The following CCDC180 variants were observed in gnomAD, a reference collection of about 807,000 sequenced individuals.
CCDC180 encodes the protein coiled-coil domain-containing protein 180.
CCDC180 carries 154 observed loss-of-function variants against 209.2 expected under a neutral mutation model. The ratio of observed to expected loss-of-function variants is 0.74; its 90% CI spans 0.65 to 0.84. CCDC180 has a LOEUF of 0.84. Among genes scored for constraint, CCDC180 ranks in the 40% least tolerant of loss-of-function variants. The pLI, the probability that CCDC180 is intolerant of heterozygous loss-of-function variation, is 0.00. For missense variants in CCDC180, 1,874 were observed against 1,997.3 expected (o/e 0.94, Z 1.18); for synonymous variants, 778 against 749.1 (o/e 1.04, Z -0.63).
chr9:97,348,119 CGGG>C (rs5899305), intron 20 of CCDC180, among the ~76,000 whole-genome samples: 7 of 148,154 alleles, frequency 4.7e-5, no homozygotes, highest in Admixed American at 2.0e-4. Flanking sequence ...TAATGCGGGG[CGGG>C]GGGGGGGCAT....
chr9:97,334,294 G>A (rs1423891416), intron 18 of CCDC180, among the ~76,000 whole-genome samples: 1 of 152,160 alleles, frequency 6.6e-6, no homozygotes, highest in Non-Finnish European at 1.5e-5. Flanking sequence ...GCAATAGCCA[G>A]TATTTTAAGG....
chr9:97,361,584 A>C lies in CCDC180; in HGVS notation c.3484-142A>C, dbSNP rs943579590. The C allele has an allele frequency of 2.0e-5, 14 of 690,910 alleles. No individual in the cohort carries two copies. In the African/African-American group the frequency reaches 2.2e-4, roughly 11 times the overall value. 42.8% of individuals were successfully genotyped at this position (690,910 alleles called of 1,614,324 possible). On this transcript the variant is annotated intron_variant, in intron 26 of 36. Coordinates refer to ENST00000529487, the MANE Select transcript of CCDC180 (RefSeq NM_020893.6). ...AAGGGAGATCACTTTACAGAGGAGA[A>C]AATAGTGGCTCAATGAGGTCAGCTA...
intron 11 of CCDC180, among the ~76,000 whole-genome samples, chr9:97,321,016 C>T (rs1013824338): frequency 6.6e-6 from 1 of 152,170 alleles, no homozygotes; most frequent in African/African-American, 2.4e-5. Context: ...TGGTGTGATA[C>T]TCCCTGGCAA....
At chr9:97,329,797 G>A (rs779152843) in intron 16 of CCDC180, among the ~76,000 whole-genome samples, 17 of 152,262 alleles carry the variant, frequency 1.1e-4, no homozygotes, top group Middle Eastern at 3.4e-3. Flanking sequence ...GGCTGGGTGC[G>A]GTGGCTCACG....
chr9:97,344,307 G>T (rs764207272), intron 19 of CCDC180, among the ~76,000 whole-genome samples: 1 of 152,162 alleles, frequency 6.6e-6, no homozygotes, highest in Non-Finnish European at 1.5e-5. Flanking sequence ...TGGGCAGGAG[G>T]CTGGAGACAA....
At chr9:97,313,406 A>C in intron 5 of CCDC180, 61 bp downstream of exon 5, 1 of 1,254,996 alleles carries the variant, frequency 8.0e-7, no homozygotes, top group Non-Finnish European at 1.2e-6. Context: ...TGGGTGTGTC[A>C]TGGCTCCCAG....
chr9:97,326,910 T>C (rs1020132266), intron 15 of CCDC180, among the ~76,000 whole-genome samples: 1 of 152,174 alleles, frequency 6.6e-6, no homozygotes, highest in Non-Finnish European at 1.5e-5. Context: ...TTCAAGAACA[T>C]GGGGCCTTCT....
Position 97,377,186 on chromosome 9 carries a change from C to T in CCDC180, c.*292C>T, listed in dbSNP as rs1358251914. ...GCACCAGAGCTTCAAAGGACATCAC[C>T]TCCAAACAGCATGCTGGGCAGGGCA... On this transcript the variant is annotated 3_prime_UTR_variant, in exon 37 of 37. Coordinates refer to ENST00000529487, the MANE Select transcript of CCDC180 (RefSeq NM_020893.6). The T allele has an allele frequency of 4.1e-6, 1 of 242,838 alleles. No individual in the cohort carries two copies. The highest frequency in any genetic ancestry group is 9.2e-5 in the East Asian group (1 of 10,818). 15.0% of individuals were successfully genotyped at this position (242,838 alleles called of 1,614,324 possible). A position where few individuals can be genotyped will look rare whatever the true frequency, so the allele number is the denominator to read the frequency against.
At chr9:97,363,677 A>G in intron 28 of CCDC180, 3 of 501,862 alleles carry the variant, frequency 6.0e-6, no homozygotes, top group South Asian at 4.6e-5. Flanking sequence ...TCAAGTTTAA[A>G]TGGGCGTGCT....
Position 97,307,786 on chromosome 9 carries a change from C to A in CCDC180, c.-102C>A. 2 of 1,614,222 alleles carry A rather than the reference C, an allele frequency of 1.2e-6. No homozygotes were observed. Among genetic ancestry groups the A allele is most frequent in the Middle Eastern group, 1.6e-4 (1 of 6,062 alleles). ...CGGCGGGGAGAACCGGCCTCCTGCTCGAGTTCAGAGCTCATCTGAGGTTAG... is the reference window on the plus strand; with the variant it reads ...CGGCGGGGAGAACCGGCCTCCTGCTAGAGTTCAGAGCTCATCTGAGGTTAG... On this transcript the variant is annotated 5_prime_UTR_variant, in exon 1 of 37. Transcript: ENST00000529487.
chr9:97,349,498 A>G (rs1312983408), intron 21 of CCDC180, among the ~76,000 whole-genome samples: 3 of 152,232 alleles, frequency 2.0e-5, no homozygotes, highest in African/African-American at 7.2e-5. Context: ...GCCAGAGAGC[A>G]AAGTATATGC....
chr9:97,313,327 G>C lies in CCDC180; in HGVS notation c.441G>C (p.Glu147Asp), dbSNP rs1393635020. 2.5e-6 allele frequency: 4 copies of C among 1,611,020 alleles called. No homozygotes were observed. The highest frequency in any genetic ancestry group is 3.4e-6 in the Non-Finnish European group (4 of 1,177,874). The change falls in exon 5 of 37, where the codon GAG becomes GAC. Residue 147 changes from glutamate to aspartate, a missense_variant. Physicochemically the swap from Glu to Asp is conservative, Grantham distance 45 (BLOSUM62 2). Coordinates refer to ENST00000529487, the MANE Select transcript of CCDC180 (RefSeq NM_020893.6). ...GCGCTCTGGCCAGCTTTCAGGAGGA[G>C]ATTGCGCAGGTGGGAAAGGTGAGAA... ...YESALASFQE[E>D]IAQVGKEMEP...
At chr9:97,336,305 T>G (rs1248740386) in intron 18 of CCDC180, among the ~76,000 whole-genome samples, 1 of 152,202 alleles carries the variant, frequency 6.6e-6, no homozygotes, top group Non-Finnish European at 1.5e-5. Context: ...GGTCTAACAT[T>G]TAAGTCTTTA....
chr9:97,346,263 TCTC>T (rs760449059), intron 19 of CCDC180, among the ~76,000 whole-genome samples: 4 of 152,226 alleles, frequency 2.6e-5, no homozygotes, highest in Admixed American at 1.3e-4. Flanking sequence ...CCTTTAGTCT[TCTC>T]CTTCCATTAT....
At chr9:97,333,982 G>A (rs1339009373) in intron 18 of CCDC180, among the ~76,000 whole-genome samples, 8 of 151,710 alleles carry the variant, frequency 5.3e-5, no homozygotes, top group South Asian at 2.1e-4. Flanking sequence ...TACCACACCC[G>A]GCTAATTTTT....
intron 18 of CCDC180, among the ~76,000 whole-genome samples, chr9:97,331,080 C>T (rs770685854): frequency 1.3e-4 from 20 of 152,058 alleles, no homozygotes; most frequent in African/African-American, 3.4e-4. Flanking sequence ...CCTGCTCCCA[C>T]GCTTTACCCT....
chr9:97,330,859 GC>G, intron 18 of CCDC180, 92 bp downstream of exon 18: 4 of 1,200,022 alleles, frequency 3.3e-6, no homozygotes, highest in Admixed American at 4.4e-5. Context: ...GTCTTCAGTG[GC>G]CCAGTCTCCA....
intron 5 of CCDC180, among the ~76,000 whole-genome samples, chr9:97,314,004 GA>G (rs1330026958): frequency 6.6e-6 from 1 of 152,176 alleles, no homozygotes; most frequent in Non-Finnish European, 1.5e-5. Flanking sequence ...GTCCCAACTA[GA>G]TGCCAGGTCT....
chr9:97,315,744 C>T (rs771173983), intron 8 of CCDC180, among the ~76,000 whole-genome samples: 2 of 152,134 alleles, frequency 1.3e-5, no homozygotes, highest in South Asian at 2.1e-4. Flanking sequence ...AGCTCCATGG[C>T]GACCCAGATA....
Sources: gnomAD v4.1 joint callset for allele counts (sites outside exome capture counted in the v4.1 genomes callset) on GRCh38, gnomAD v4.1.1 for gene constraint, MANE v1.5 for transcripts, NCBI Gene and HGNC (gene_info 2026-07-23, HGNC 2026-07-21) for gene names.